The following GPC6 variants were observed in gnomAD, a reference collection of about 807,000 sequenced individuals.
GPC6 encodes glypican-6.
Under a neutral mutation model 55.2 loss-of-function variants are expected in GPC6, and 14 were observed. The observed-to-expected ratio is 0.25, with a 90% CI of 0.17 to 0.40. The LOEUF (loss-of-function observed/expected upper bound fraction) is 0.40. Ranked by LOEUF, GPC6 falls within the 10% of genes least tolerant of loss-of-function variation. GPC6 has a pLI of 1.00. For missense variants in GPC6, 641 were observed against 708.5 expected, an observed-to-expected ratio of 0.90 and a Z score of 1.08; for synonymous variants, 278 against 259.6, an observed-to-expected ratio of 1.07 and a Z score of -0.68.
intron 1 of GPC6, among the ~76,000 whole-genome samples, chr13:93,378,907 A>C (rs67862730): frequency 0.04 from 6,128 of 151,884 alleles, 171 homozygotes; most frequent in Non-Finnish European, 0.057. Flanking sequence ...AGGCAGGAGA[A>C]TCGCATGAAC....
At chr13:94,202,028 G>A (rs1174041313) in intron 4 of GPC6, among the ~76,000 whole-genome samples, 1 of 152,160 alleles carries the variant, frequency 6.6e-6, no homozygotes, top group African/African-American at 2.4e-5. Flanking sequence ...ACTGGGTTCT[G>A]AAATGGTAAT....
At chr13:93,525,750 G>A (rs541419174) in intron 1 of GPC6, among the ~76,000 whole-genome samples, 1 of 152,142 alleles carries the variant, frequency 6.6e-6, no homozygotes, top group Admixed American at 6.6e-5. Flanking sequence ...TTCTCAGATG[G>A]TTAATTATTT....
intron 4 of GPC6, among the ~76,000 whole-genome samples, chr13:94,033,557 G>T (rs1594682285): frequency 6.6e-6 from 1 of 152,190 alleles, no homozygotes; most frequent in Non-Finnish European, 1.5e-5. Flanking sequence ...ACTGTGTTAT[G>T]TTGCATTTTA....
In GPC6 at chr13:93,992,886, G is replaced by A. The variant is rs575595545; in HGVS notation, c.712-34843G>A. ...TGCTAGGCTTCATTTTCTGTGCAAG[G>A]AACACAAGTAGTTTGTCTCTAAACT... On this transcript the variant is annotated intron_variant, in intron 3 of 8. Coordinates refer to ENST00000377047, the MANE Select transcript of GPC6 (RefSeq NM_005708.5). Among the ~76,000 whole-genome samples the A allele has an allele frequency of 1.9e-4, 29 of 152,182 alleles. 1 individual carries two copies. Among genetic ancestry groups the A allele is most frequent in the African/African-American group, 7.0e-4 (29 of 41,524 alleles).
At chr13:93,996,208 G>C (rs142395076) in intron 3 of GPC6, among the ~76,000 whole-genome samples, 1 of 152,160 alleles carries the variant, frequency 6.6e-6, no homozygotes, top group Admixed American at 6.6e-5. Flanking sequence ...TTTTGGAATA[G>C]TATAATGGTG....
chr13:93,266,513 G>A (rs530768109), intron 1 of GPC6, among the ~76,000 whole-genome samples: 1 of 152,248 alleles, frequency 6.6e-6, no homozygotes, highest in African/African-American at 2.4e-5. Context: ...TTAATACAAA[G>A]GAGGAAAGGG....
At chr13:93,492,691 G>A (rs1454014001) in intron 1 of GPC6, among the ~76,000 whole-genome samples, 4 of 150,860 alleles carry the variant, frequency 2.7e-5, no homozygotes, top group Non-Finnish European at 5.9e-5. Flanking sequence ...TTTGAAATAC[G>A]TCCCATCAAG....
At chr13:93,315,446 C>T (rs9524013) in intron 1 of GPC6, among the ~76,000 whole-genome samples, 29,600 of 151,612 alleles carry the variant, frequency 0.2, 3,143 homozygotes, top group Non-Finnish European at 0.24. Context: ...ATTTATTTTG[C>T]TTTTTAAATC....
chr13:94,120,030 G>A (rs1886571048), intron 4 of GPC6, among the ~76,000 whole-genome samples: 1 of 152,080 alleles, frequency 6.6e-6, no homozygotes, highest in Admixed American at 6.6e-5. Flanking sequence ...TGAGTTTTGA[G>A]AATGAGTTAC....
intron 1 of GPC6, among the ~76,000 whole-genome samples, chr13:93,462,523 T>A (rs2139316556): frequency 6.6e-6 from 1 of 151,930 alleles, no homozygotes; most frequent in African/African-American, 2.4e-5. Context: ...TTCTTCCCCA[T>A]GTTAAGAATT....
At chr13:93,353,711 T>C (rs536419216) in intron 1 of GPC6, among the ~76,000 whole-genome samples, 106 of 152,362 alleles carry the variant, frequency 7.0e-4, no homozygotes, top group Non-Finnish European at 1.3e-3. Flanking sequence ...TCTGTTTTTT[T>C]GCTCGTGATT....
chr13:93,905,260 T>A (rs1007271204), intron 3 of GPC6, among the ~76,000 whole-genome samples: 3 of 152,118 alleles, frequency 2.0e-5, no homozygotes, highest in Non-Finnish European at 4.4e-5. Context: ...CATAGCTTTG[T>A]CTCTTACTCT....
At chr13:94,191,883 A>G (rs925698640) in intron 4 of GPC6, among the ~76,000 whole-genome samples, 4 of 152,204 alleles carry the variant, frequency 2.6e-5, no homozygotes, top group Non-Finnish European at 5.9e-5. Context: ...AATGATGCTC[A>G]TATGAACTAA....
intron 1 of GPC6, among the ~76,000 whole-genome samples, chr13:93,332,032 T>C (rs1210017171): frequency 6.6e-6 from 1 of 151,172 alleles, no homozygotes; most frequent in East Asian, 1.9e-4. Flanking sequence ...GCAAATGACA[T>C]GAGTTCATTC....
intron 4 of GPC6, among the ~76,000 whole-genome samples, chr13:94,259,997 T>C (rs1230591827): frequency 6.6e-6 from 1 of 152,228 alleles, no homozygotes; most frequent in Non-Finnish European, 1.5e-5. Context: ...TGTTATGGTG[T>C]ACATGGGTAT....
intron 1 of GPC6, among the ~76,000 whole-genome samples, chr13:93,377,208 A>G (rs942350): frequency 0.89 from 135,995 of 152,154 alleles, 60,884 homozygotes; most frequent in East Asian, 0.97. Context: ...AAGATGGGCC[A>G]GAGAAACACC....
rs11321467 is a variant in GPC6 at position 94,136,186 on chromosome 13, CTT to C, written c.877+108308_877+108309del. On this transcript the variant is annotated intron_variant, in intron 4 of 8. Transcript: ENST00000377047. ...TCTTTAACTTGAATAAGTTTAGCAT[CTT>C]TTTTTTTTTTTTTTTCTTCATTTCA... Among the ~76,000 whole-genome samples, 594 of 138,906 alleles carry C rather than the reference CTT, an allele frequency of 4.3e-3. 2 individuals are homozygous for C. Among genetic ancestry groups the C allele is most frequent in the South Asian group, 9.8e-3 (43 of 4,378 alleles). 91.1% of individuals were successfully genotyped at this position (138,906 alleles called of 152,430 possible).
intron 1 of GPC6, among the ~76,000 whole-genome samples, chr13:93,525,432 G>C (rs1319665125): frequency 6.6e-6 from 1 of 152,034 alleles, no homozygotes; most frequent in Non-Finnish European, 1.5e-5. Context: ...CAGTGAAACA[G>C]AATAGCTTCT....
chr13:93,923,976 GTGGAA>G (rs1033571312), intron 3 of GPC6, among the ~76,000 whole-genome samples: 1 of 152,106 alleles, frequency 6.6e-6, no homozygotes, highest in Non-Finnish European at 1.5e-5. Context: ...TGGAATGGAT[GTGGAA>G]TGGAATGGAA....
Sources: allele counts gnomAD v4.1 joint callset (sites outside exome capture counted in the v4.1 genomes callset), GRCh38; gene constraint gnomAD v4.1.1; transcripts MANE v1.5; gene names NCBI Gene and HGNC (gene_info 2026-07-23, HGNC 2026-07-21).